The following EYS variants were observed in gnomAD, a reference collection of about 807,000 sequenced individuals.
EYS encodes the protein protein eyes shut homolog.
A neutral mutation model predicts 282.1 loss-of-function variants in EYS; 250 were observed. The ratio of observed to expected loss-of-function variants is 0.89; its 90% confidence interval spans 0.80 to 0.98. The LOEUF (loss-of-function observed/expected upper bound fraction) is 0.98. Among genes scored for constraint, EYS ranks in the 50% least tolerant of loss-of-function variants. EYS has a pLI of 0.00. For synonymous variants in EYS, 1,355 were observed against 1,282.9 expected, an observed-to-expected ratio of 1.06 and a Z score of -1.20; for missense variants, 4,016 against 3,709.0, an observed-to-expected ratio of 1.08 and a Z score of -2.15.
At chr6:64,424,736 G>A (rs941182169) in intron 28 of EYS, among the ~76,000 whole-genome samples, 1 of 152,124 alleles carries the variant, frequency 6.6e-6, no homozygotes, top group African/African-American at 2.4e-5. Flanking sequence ...CCAGTTACAC[G>A]CTAGGTGCCA....
chr6:65,389,735 C>T (rs542692547), intron 7 of EYS, among the ~76,000 whole-genome samples: 1 of 152,030 alleles, frequency 6.6e-6, no homozygotes, highest in South Asian at 2.1e-4. Flanking sequence ...TTGTTCAGGG[C>T]TCAGTAATCA....
At chr6:65,213,897 A>C (rs1277645857) in intron 12 of EYS, among the ~76,000 whole-genome samples, 2 of 152,030 alleles carry the variant, frequency 1.3e-5, no homozygotes, top group Non-Finnish European at 2.9e-5. Context: ...GTGGTGGCTC[A>C]CGCCTGTAAC....
intron 41 of EYS, among the ~76,000 whole-genome samples, chr6:63,756,901 TG>T (rs1769499978): frequency 6.6e-6 from 1 of 152,204 alleles, no homozygotes; most frequent in Non-Finnish European, 1.5e-5. Context: ...CTCTTAATCC[TG>T]TTGTCTTTGT....
At chr6:64,477,095 C>T (rs1776294721) in intron 26 of EYS, among the ~76,000 whole-genome samples, 2 of 152,156 alleles carry the variant, frequency 1.3e-5, no homozygotes, top group African/African-American at 4.8e-5. Flanking sequence ...AAGGCCCTCA[C>T]ACCAGCCCCC....
chr6:64,593,852 C>A (rs1766485762), intron 24 of EYS, among the ~76,000 whole-genome samples: 1 of 152,062 alleles, frequency 6.6e-6, no homozygotes, highest in Non-Finnish European at 1.5e-5. Flanking sequence ...TATAAAATAG[C>A]TTTCACATGA....
rs535557562 is a variant in EYS, at chr6:64,719,770, T to C, written c.3444-93525A>G. 2.6e-5 allele frequency among the ~76,000 whole-genome samples: 4 copies of C among 152,210 alleles called. No homozygotes were observed. In the South Asian group the frequency reaches 8.3e-4, roughly 32 times the overall value. ...AAATACAAAAATTAGCCAGGCATGG[T>C]GCGCATGCCTATAGTCCCAGAACGG... On this transcript the variant is annotated intron_variant, in intron 22 of 42. Coordinates refer to ENST00000503581, the MANE Select transcript of EYS (RefSeq NM_001142800.2).
At chr6:63,975,877 A>G (rs1766811492) in intron 35 of EYS, among the ~76,000 whole-genome samples, 1 of 152,012 alleles carries the variant, frequency 6.6e-6, no homozygotes. Flanking sequence ...CTCATTAGGC[A>G]ATTTCATCAT....
intron 32 of EYS, among the ~76,000 whole-genome samples, chr6:64,077,860 A>G (rs1771826189): frequency 6.6e-6 from 1 of 152,002 alleles, no homozygotes; most frequent in Admixed American, 6.6e-5. Flanking sequence ...TCCTTTGACT[A>G]GGTTCCAGAA....
intron 5 of EYS, among the ~76,000 whole-genome samples, chr6:65,427,673 T>C (rs1767713930): frequency 6.6e-6 from 1 of 152,086 alleles, no homozygotes; most frequent in South Asian, 2.1e-4. Flanking sequence ...AGGGGCACCA[T>C]TATGGTGTAG....
intron 30 of EYS, among the ~76,000 whole-genome samples, chr6:64,244,414 C>G (rs1431421187): frequency 6.6e-6 from 1 of 152,138 alleles, no homozygotes; most frequent in African/African-American, 2.4e-5. Context: ...TGTATTTCCT[C>G]TCTGGATGCT....
At chr6:64,659,002 A>G (rs1461211211) in intron 22 of EYS, among the ~76,000 whole-genome samples, 1 of 152,356 alleles carries the variant, frequency 6.6e-6, no homozygotes, top group South Asian at 2.1e-4. Flanking sequence ...AGCACTCCTC[A>G]GCAAATGCAA....
intron 22 of EYS, among the ~76,000 whole-genome samples, chr6:64,758,886 C>T (rs1000834742): frequency 1.3e-5 from 2 of 152,184 alleles, no homozygotes; most frequent in Non-Finnish European, 2.9e-5. Flanking sequence ...CGCCTGTAAT[C>T]CCAGCACTTT....
At chr6:65,477,748 A>G (rs983249129) in intron 5 of EYS, among the ~76,000 whole-genome samples, 20 of 152,154 alleles carry the variant, frequency 1.3e-4, no homozygotes, top group African/African-American at 4.8e-4. Context: ...TATTTTCCAT[A>G]TGGCCATTTG....
intron 15 of EYS, among the ~76,000 whole-genome samples, chr6:64,941,273 C>T (rs368334288): frequency 7.2e-5 from 11 of 151,774 alleles, no homozygotes; most frequent in South Asian, 2.1e-4. Context: ...CCTAGCTACT[C>T]GGAGGCTGAG....
chr6:65,329,615 T>C, intron 11 of EYS: 2 of 980,648 alleles, frequency 2.0e-6, no homozygotes, highest in Non-Finnish European at 2.4e-6. Context: ...AAACTTTTAC[T>C]TGAAGGCAGA....
At chr6:63,965,291 G>C (rs1456326017) in intron 35 of EYS, among the ~76,000 whole-genome samples, 1 of 152,172 alleles carries the variant, frequency 6.6e-6, no homozygotes, top group Non-Finnish European at 1.5e-5. Context: ...CAGATATTCT[G>C]TCCTTTCTAA....
chr6:64,377,084 AATAGATAG>A, intron 29 of EYS, among the ~76,000 whole-genome samples: 1 of 151,992 alleles, frequency 6.6e-6, no homozygotes, highest in South Asian at 2.1e-4. Context: ...TAGCTGGATG[AATAGATAG>A]ATAGATAGAT....
intron 12 of EYS, among the ~76,000 whole-genome samples, chr6:65,081,805 A>G (rs890150749): frequency 1.3e-5 from 2 of 152,100 alleles, no homozygotes; most frequent in African/African-American, 4.8e-5. Flanking sequence ...ACTTCTTGTA[A>G]CAAGAACTGC....
chr6:65,364,551 CTT>C (rs1373254487), intron 8 of EYS, among the ~76,000 whole-genome samples: 2 of 151,112 alleles, frequency 1.3e-5, no homozygotes, highest in African/African-American at 4.8e-5. Context: ...AATATTAAGA[CTT>C]CTTATGATAT....
Sources: allele counts gnomAD v4.1 joint callset (sites outside exome capture counted in the v4.1 genomes callset), GRCh38; gene constraint gnomAD v4.1.1; transcripts MANE v1.5; gene names NCBI Gene and HGNC (gene_info 2026-07-23, HGNC 2026-07-21).